The following APC variants were observed in gnomAD, a reference collection of about 807,000 sequenced individuals.
APC encodes adenomatous polyposis coli protein.
A neutral mutation model predicts 247.0 loss-of-function variants in APC; 72 were observed. That is an observed-to-expected ratio of 0.29 (90% CI 0.24 to 0.35). The LOEUF (loss-of-function observed/expected upper bound fraction) is 0.35. Among genes scored for constraint, APC ranks in the 10% least tolerant of loss-of-function variants. APC has a pLI of 1.00. For missense variants in APC, 3,400 were observed against 3,360.7 expected (o/e 1.01, Z -0.29); for synonymous variants, 1,254 against 1,162.5 (o/e 1.08, Z -1.60).
rs1554076230 is a variant in APC at position 112,801,386 on chromosome 5, A to G, written c.834+3A>G. 1 of 1,585,382 alleles carries G rather than the reference A, an allele frequency of 6.3e-7. No homozygotes were observed. The highest frequency in any genetic ancestry group is 1.3e-5 in the African/African-American group (1 of 74,326). On this transcript the variant is annotated splice_donor_region_variant and intron_variant, in intron 8 of 15. Transcript: ENST00000257430. ...TGGCAACTTCTGGTAATGGTCAGGT[A>G]AATAAATTATTTTATCATATTTTTT...
intron 1 of APC, among the ~76,000 whole-genome samples, chr5:112,743,848 A>T (rs1023337352): frequency 6.6e-6 from 1 of 152,164 alleles, no homozygotes; most frequent in African/African-American, 2.4e-5. Flanking sequence ...GTCCTCAAAT[A>T]AGGTCACATT....
chr5:112,749,702 G>T (rs1754098357), intron 1 of APC, among the ~76,000 whole-genome samples: 1 of 151,658 alleles, frequency 6.6e-6, no homozygotes, highest in South Asian at 2.1e-4. Context: ...TGGCCAGATG[G>T]TCTCGATCTC....
At chr5:112,707,815 G>T (rs2149631021) in exon 1 of APC, 1 of 1,370,676 alleles carries the variant, frequency 7.3e-7, no homozygotes. Flanking sequence ...AGCAGGAGCT[G>T]CGTCCGGCAG....
rs1580657573 is a variant in APC, at chr5:112,840,813, C to T, written c.5219C>T (p.Pro1740Leu). ...SAMPKGKSHK[P>L]FRVKKIMDQV... The stretch of plus-strand genomic sequence containing the variant: ...ATGCCCAAAGGGAAAAGTCACAAGC[C>T]TTTCCGTGTGAAAAAGATAATGGAC... The change falls in exon 16 of 16, where the codon CCT (proline) becomes CTT (leucine). Residue 1740 changes from proline to leucine, a missense_variant. By Grantham distance (98) the Pro-to-Leu change is moderately conservative. Around this residue, in one of 9 missense-constraint regions of APC, gnomAD observed 1,788 missense variants for 1,649.5 expected, o/e 1.08. Transcript: ENST00000257430. The surrounding 1 kb of genome is among the most constrained non-coding windows in gnomAD (Gnocchi z 4.1). 6.2e-7 allele frequency: 1 copy of T among 1,614,082 alleles called. No individual in the cohort carries two copies. The highest frequency in any genetic ancestry group is 1.1e-5 in the South Asian group (1 of 91,082).
chr5:112,738,380 G>T (rs1379460674), intron 1 of APC: 1 of 985,630 alleles, frequency 1.0e-6, no homozygotes, highest in Non-Finnish European at 1.2e-6. Context: ...CCAAAAGAGA[G>T]AGGAGACAAA....
At chr5:112,770,624 T>G (rs922546273) in intron 4 of APC, among the ~76,000 whole-genome samples, 1 of 152,130 alleles carries the variant, frequency 6.6e-6, no homozygotes, top group African/African-American at 2.4e-5. Context: ...TAGTTTAGCT[T>G]TATAAAGCAT....
intron 7 of APC, among the ~76,000 whole-genome samples, chr5:112,797,550 A>C (rs1020659160): frequency 6.6e-6 from 1 of 152,222 alleles, no homozygotes; most frequent in South Asian, 2.1e-4. Flanking sequence ...AAAACTCAGA[A>C]GTTACATAAA....
chr5:112,826,253 G>A (rs776176025), intron 11 of APC, among the ~76,000 whole-genome samples: 5 of 152,068 alleles, frequency 3.3e-5, no homozygotes, highest in Non-Finnish European at 7.4e-5. Context: ...TCTGAGTCCC[G>A]TGATGATTAA....
At chr5:112,816,538 A>G (rs1475356374) in intron 9 of APC, among the ~76,000 whole-genome samples, 2 of 152,132 alleles carry the variant, frequency 1.3e-5, no homozygotes, top group African/African-American at 2.4e-5. Flanking sequence ...TCACACCTGT[A>G]ATCCCAGAAA....
Position 112,840,212 on chromosome 5 carries a change from G to C in APC, c.4618G>C (p.Glu1540Gln), listed in dbSNP as rs73220015. Residue 1540 changes from glutamate (E) to glutamine (Q), a missense_variant, in exon 16 of 16, where the codon GAG (glutamate) becomes CAG (glutamine). This residue lies in a region of APC where 1,788 missense variants were observed against 1,649.5 expected (regional missense o/e 1.08). Coordinates refer to ENST00000257430, the MANE Select transcript of APC (RefSeq NM_000038.6). The surrounding 1 kb of genome is among the most constrained non-coding windows in gnomAD (Gnocchi z 4.1). ...ENDNGNETES[E>Q]QPKESNENQE... ...TGACAATGGGAATGAAACAGAATCA[G>C]AGCAGCCTAAAGAATCAAATGAAAA... is the stretch of plus-strand genomic sequence containing the variant. 6.2e-7 allele frequency: 1 copy of C among 1,614,174 alleles called. No homozygotes were observed. Among genetic ancestry groups the C allele is most frequent in the African/African-American group, 1.3e-5 (1 of 75,062 alleles).
At chr5:112,792,930 A>G (rs945349745) in intron 7 of APC, among the ~76,000 whole-genome samples, 2 of 152,178 alleles carry the variant, frequency 1.3e-5, no homozygotes, top group Non-Finnish European at 2.9e-5. Flanking sequence ...AAGAGGCATT[A>G]AGACCAGGGA....
intron 2 of APC, among the ~76,000 whole-genome samples, chr5:112,761,795 A>G (rs973291350): frequency 2.0e-5 from 3 of 152,222 alleles, no homozygotes; most frequent in Non-Finnish European, 4.4e-5. Flanking sequence ...TGCTTCTAGA[A>G]GAAAACATAG....
At position 112,841,757 on chromosome 5, in the gene APC, A is replaced by G. The variant is rs2149958607; in HGVS notation, c.6163A>G (p.Arg2055Gly). The G allele has an allele frequency of 6.2e-7, 1 of 1,614,066 alleles. No homozygotes were observed. Residue 2055 changes from arginine to glycine, a missense_variant, in exon 16 of 16, where the codon AGA becomes GGA. By Grantham distance (125) the Arg-to-Gly change is moderately radical (BLOSUM62 -2). Around this residue, in one of 9 missense-constraint regions of APC, gnomAD observed 1,788 missense variants for 1,649.5 expected, o/e 1.08. Transcript: ENST00000257430. The surrounding 1 kb of genome is among the most constrained non-coding windows in gnomAD (Gnocchi z 4.6). ...AATGCCAAAAAAGAAAAAGCCTTCA[A>G]GACTCAAGGGTGATAATGAAAAACA... Reference protein sequence around the residue: ...SAMPKKKKPSRLKGDNEKHSP... With the variant: ...SAMPKKKKPSGLKGDNEKHSP...
At chr5:112,710,935 G>A (rs1285283199) in intron 1 of APC, among the ~76,000 whole-genome samples, 1 of 152,224 alleles carries the variant, frequency 6.6e-6, no homozygotes, top group African/African-American at 2.4e-5. Flanking sequence ...ATGCTTCTGT[G>A]CTTTGCACTC....
intron 6 of APC, among the ~76,000 whole-genome samples, chr5:112,786,123 G>A (rs75919833): frequency 6.6e-6 from 1 of 152,126 alleles, no homozygotes; most frequent in African/African-American, 2.4e-5. Flanking sequence ...TTTGCTGGTT[G>A]CCCAGGCTGT....
At chr5:112,821,411 G>T (rs539682207) in intron 10 of APC, among the ~76,000 whole-genome samples, 4 of 151,938 alleles carry the variant, frequency 2.6e-5, no homozygotes, top group African/African-American at 7.3e-5. Flanking sequence ...GGAAGCTGAG[G>T]CAGGAAGGTC....
At chr5:112,726,700 G>A (rs56052440) in intron 1 of APC, among the ~76,000 whole-genome samples, 1,671 of 152,112 alleles carry the variant, frequency 0.011, 23 homozygotes, top group Non-Finnish European at 0.013. Flanking sequence ...TTTCCTGTCC[G>A]TATCATGTTG....
intron 9 of APC, among the ~76,000 whole-genome samples, chr5:112,817,859 G>A (rs1256078892): frequency 6.6e-6 from 1 of 152,178 alleles, no homozygotes; most frequent in African/African-American, 2.4e-5. Flanking sequence ...TTGCTCCTAA[G>A]AGGTGGAGCC....
intron 1 of APC, among the ~76,000 whole-genome samples, chr5:112,712,217 G>C (rs916253680): frequency 6.6e-6 from 1 of 151,482 alleles, no homozygotes; most frequent in African/African-American, 2.4e-5. Flanking sequence ...TATCCTTTAT[G>C]ATATAAACCA....
Sources: allele counts gnomAD v4.1 joint callset (sites outside exome capture counted in the v4.1 genomes callset), GRCh38; gene constraint gnomAD v4.1.1; regional missense constraint gnomAD v4.1.1; non-coding constraint Gnocchi (gnomAD v3.1); transcripts MANE v1.5; gene names NCBI Gene and HGNC (gene_info 2026-07-23, HGNC 2026-07-21).